COL21A1: variants seen among roughly 807,000 people sequenced by gnomAD.
COL21A1 encodes the protein collagen type XXI alpha 1 chain.
In COL21A1, 149 loss-of-function variants were observed where a neutral mutation model predicts 137.9. That is an observed-to-expected ratio of 1.08 (90% CI 0.95 to 1.24). COL21A1 has a LOEUF of 1.24. COL21A1 is among the 50% of genes most tolerant of loss of function. The pLI, the probability that COL21A1 is intolerant of heterozygous loss-of-function variation, is 0.00. For missense variants in COL21A1, 1,167 were observed against 1,158.4 expected, an observed-to-expected ratio of 1.01 and a Z score of -0.11; for synonymous variants, 456 against 391.5, an observed-to-expected ratio of 1.16 and a Z score of -1.95.
At chr6:56,135,878 T>A (rs1249702863) in intron 12 of COL21A1, among the ~76,000 whole-genome samples, 1 of 152,216 alleles carries the variant, frequency 6.6e-6, no homozygotes, top group African/African-American at 2.4e-5. Context: ...ACATTGACTA[T>A]CTTGAAATAC....
At chr6:56,176,999 G>C (rs1777531150) in intron 3 of COL21A1, among the ~76,000 whole-genome samples, 2 of 150,522 alleles carry the variant, frequency 1.3e-5, no homozygotes, top group Admixed American at 6.6e-5. Context: ...GGAGGAGGAA[G>C]GAGGAGGGAG....
intron 1 of COL21A1, among the ~76,000 whole-genome samples, chr6:56,363,526 G>C (rs1235843072): frequency 1.3e-5 from 2 of 152,194 alleles, no homozygotes; most frequent in Non-Finnish European, 2.9e-5. Flanking sequence ...GAGCCATTTT[G>C]AGGTCAGTCA....
intron 1 of COL21A1, among the ~76,000 whole-genome samples, chr6:56,216,947 G>C (rs1780523975): frequency 6.6e-6 from 1 of 152,038 alleles, no homozygotes; most frequent in Non-Finnish European, 1.5e-5. Flanking sequence ...CTGATTAGAT[G>C]TTCCAAAGCA....
chr6:56,202,085 G>C (rs539848597), intron 1 of COL21A1, among the ~76,000 whole-genome samples: 16 of 152,110 alleles, frequency 1.1e-4, no homozygotes, highest in Admixed American at 4.6e-4. Flanking sequence ...CCCTAATCAA[G>C]GATAGTACAG....
intron 1 of COL21A1, among the ~76,000 whole-genome samples, chr6:56,185,705 G>A: frequency 6.6e-6 from 1 of 151,918 alleles, no homozygotes. Context: ...AAAGTGCTGG[G>A]ATTACAGGCG....
At chr6:56,271,877 T>A (rs1195446274) in intron 1 of COL21A1, among the ~76,000 whole-genome samples, 1 of 152,088 alleles carries the variant, frequency 6.6e-6, no homozygotes, top group Non-Finnish European at 1.5e-5. Flanking sequence ...CATGTGGTGT[T>A]GGGACTGTGG....
chr6:56,122,702 A>G (rs1342314997), intron 16 of COL21A1, among the ~76,000 whole-genome samples: 1 of 152,198 alleles, frequency 6.6e-6, no homozygotes, highest in Non-Finnish European at 1.5e-5. Context: ...TGCACATACT[A>G]CCCAGATTAA....
chr6:56,244,778 G>T (rs76961948), intron 1 of COL21A1, among the ~76,000 whole-genome samples: 15 of 151,978 alleles, frequency 9.9e-5, no homozygotes, highest in African/African-American at 3.6e-4. Context: ...TCAACTTATC[G>T]CTAAAATAAA....
intron 9 of COL21A1, among the ~76,000 whole-genome samples, chr6:56,162,262 TC>T (rs1366647851): frequency 1.3e-5 from 2 of 152,110 alleles, no homozygotes; most frequent in African/African-American, 4.8e-5. Context: ...TGTGTTCCTG[TC>T]CTCCTGCCAG....
At chr6:56,271,507 A>G (rs1763525087) in intron 1 of COL21A1, among the ~76,000 whole-genome samples, 1 of 152,220 alleles carries the variant, frequency 6.6e-6, no homozygotes, top group South Asian at 2.1e-4. Context: ...AAAGATTTGG[A>G]AAATTTGCAG....
In COL21A1 at chr6:56,179,902, A is replaced by T. The variant is rs756352021; in HGVS notation, c.316T>A (p.Ser106Thr). The T allele has an allele frequency of 6.8e-6, 11 of 1,613,774 alleles. No individual in the cohort carries two copies. Among genetic ancestry groups the T allele is most frequent in the Middle Eastern group, 1.6e-4 (1 of 6,084 alleles). ...GTGTTTCCTCCTAAGTAGAGTATGGATTCCACTGCTGCCGTCAAATGTTCT... is the reference window on the plus strand; with the variant it reads ...GTGTTTCCTCCTAAGTAGAGTATGGTTTCCACTGCTGCCGTCAAATGTTCT... ...SGEHLTAAVE[S>T]ILYLGGNTKT... Residue 106 changes from serine (S) to threonine (T), a missense_variant, in exon 3 of 30, where the codon TCC becomes ACC. Coordinates refer to ENST00000244728, the MANE Select transcript of COL21A1 (RefSeq NM_030820.4).
At chr6:56,120,641 A>C (rs1292487444) in intron 16 of COL21A1, among the ~76,000 whole-genome samples, 1 of 152,116 alleles carries the variant, frequency 6.6e-6, no homozygotes, top group African/African-American at 2.4e-5. Context: ...TAAAAATACA[A>C]AAATTAGCCG....
intron 1 of COL21A1, among the ~76,000 whole-genome samples, chr6:56,322,624 C>T (rs1336043564): frequency 6.6e-6 from 1 of 152,100 alleles, no homozygotes; most frequent in Non-Finnish European, 1.5e-5. Flanking sequence ...AAACACTACA[C>T]TACTATTCCC....
intron 17 of COL21A1, among the ~76,000 whole-genome samples, chr6:56,079,088 C>T (rs1299014921): frequency 6.6e-6 from 1 of 151,670 alleles, no homozygotes; most frequent in Non-Finnish European, 1.5e-5. Context: ...TTTGAATGAA[C>T]CGTAATTTGG....
upstream of COL21A1, among the ~76,000 whole-genome samples, chr6:56,251,630 AC>A (rs1197076749): frequency 6.6e-6 from 1 of 152,230 alleles, no homozygotes; most frequent in Non-Finnish European, 1.5e-5. Context: ...TATTTGGCAT[AC>A]TTTTTCTAAA....
At chr6:56,141,414 CAGAT>C (rs1485992076) in intron 12 of COL21A1, among the ~76,000 whole-genome samples, 1 of 152,150 alleles carries the variant, frequency 6.6e-6, no homozygotes, top group Non-Finnish European at 1.5e-5. Context: ...GGCCACGTGC[CAGAT>C]AGATACCAAT....
At chr6:56,107,640 G>GAA (rs11440030) in intron 16 of COL21A1, among the ~76,000 whole-genome samples, 47 of 151,710 alleles carry the variant, frequency 3.1e-4, no homozygotes, top group African/African-American at 7.2e-4. Context: ...AAGAAATTCA[G>GAA]AAAAAAAACA....
chr6:56,333,352 T>C (rs1057247225), intron 1 of COL21A1, among the ~76,000 whole-genome samples: 4 of 151,396 alleles, frequency 2.6e-5, no homozygotes, highest in African/African-American at 4.9e-5. Context: ...TAGATTACTT[T>C]GCAGTGTTTG....
At chr6:56,382,159 C>T (rs2094009724) in intron 1 of COL21A1, among the ~76,000 whole-genome samples, 1 of 152,132 alleles carries the variant, frequency 6.6e-6, no homozygotes, top group Non-Finnish European at 1.5e-5. Context: ...ACAATAGTAC[C>T]ATTGAATTTT....
Sources: gnomAD v4.1 joint callset for allele counts (sites outside exome capture counted in the v4.1 genomes callset) on GRCh38, gnomAD v4.1.1 for gene constraint, MANE v1.5 for transcripts, NCBI Gene and HGNC (gene_info 2026-07-23, HGNC 2026-07-21) for gene names.